NPRL3: variants seen among roughly 807,000 people sequenced by gnomAD.
The protein encoded by NPRL3 is GATOR1 complex protein NPRL3.
In NPRL3, 23 loss-of-function variants were observed where a neutral mutation model predicts 57.2. The observed-to-expected ratio is 0.40, with a 90% CI of 0.29 to 0.57. NPRL3 has a LOEUF of 0.57. Ranked by LOEUF, NPRL3 falls within the 20% of genes least tolerant of loss-of-function variation. NPRL3 has a pLI of 0.42. For missense variants in NPRL3, 691 were observed against 767.1 expected, an observed-to-expected ratio of 0.90 and a Z score of 1.17; for synonymous variants, 333 against 321.1, an observed-to-expected ratio of 1.04 and a Z score of -0.39.
At position 100,486 on chromosome 16, in the gene NPRL3, C is replaced by A; in HGVS notation, c.653G>T (p.Arg218Leu). Residue 218 changes from arginine (R) to leucine (L), a missense_variant, in exon 8 of 14, where the codon CGG (arginine) becomes CTG (leucine). Transcript: ENST00000611875. ...YDSLCTSGVV[R>L]LHINSWLEVS... ...CTCCAGCCAGCTGTTGATGTGAAGC[C>A]GAACTACGCCCGACGTGCACAGGCT... 6.3e-7 allele frequency: 1 copy of A among 1,591,794 alleles called. No individual in the cohort carries two copies. Among genetic ancestry groups the A allele is most frequent in the South Asian group, 1.1e-5 (1 of 87,206 alleles).
intron 7 of NPRL3, among the ~76,000 whole-genome samples, chr16:106,935 T>C (rs540245791): frequency 8.0e-4 from 122 of 152,202 alleles, no homozygotes; most frequent in Admixed American, 2.0e-3. Context: ...CCAGAGGGGC[T>C]CCTGGGTGGC....
chr16:95,350 T>TATATATATATATACAC (rs1223611120), intron 9 of NPRL3, among the ~76,000 whole-genome samples: 1 of 110,984 alleles, frequency 9.0e-6, no homozygotes, highest in African/African-American at 3.7e-5. Context: ...TATATATATA[T>TATATATATATATACAC]ACACACACAC....
intron 2 of NPRL3, among the ~76,000 whole-genome samples, chr16:135,608 C>CA (rs555589072): frequency 0.064 from 3,592 of 55,886 alleles, 136 homozygotes; most frequent in African/African-American, 0.11. Flanking sequence ...GACTCTGTCT[C>CA]AAAAAAAAAA....
At chr16:124,592 T>C (rs1237982490) in intron 3 of NPRL3, among the ~76,000 whole-genome samples, 3 of 152,176 alleles carry the variant, frequency 2.0e-5, no homozygotes, top group African/African-American at 7.2e-5. Context: ...GCAAAAGCCT[T>C]CTGAAAACTA....
rs147148279 is a variant in NPRL3, at chr16:88,680, G to C, written c.1544+18C>G. 6.3e-7 allele frequency: 1 copy of C among 1,595,068 alleles called. No individual in the cohort carries two copies. The highest frequency in any genetic ancestry group is 8.6e-7 in the Non-Finnish European group (1 of 1,165,918). ...CCCTGCAACTGGCCCCAGTCCCAACGGGTCAACCTACACCCACCTGGCAAA... is the reference window on the plus strand; with the variant it reads ...CCCTGCAACTGGCCCCAGTCCCAACCGGTCAACCTACACCCACCTGGCAAA... On this transcript the variant is annotated intron_variant, in intron 13 of 13. Coordinates refer to ENST00000611875, the MANE Select transcript of NPRL3 (RefSeq NM_001077350.3).
intron 3 of NPRL3, among the ~76,000 whole-genome samples, chr16:128,715 C>G (rs1900655486): frequency 6.6e-6 from 1 of 152,126 alleles, no homozygotes; most frequent in African/African-American, 2.4e-5. Flanking sequence ...CTGCAGTGAG[C>G]TGAGATCGCG....
intron 9 of NPRL3, among the ~76,000 whole-genome samples, chr16:95,325 G>GTGTATATATATATA (rs761991763): frequency 9.8e-6 from 1 of 102,230 alleles, no homozygotes; most frequent in African/African-American, 3.6e-5. Flanking sequence ...GTTTGTGTGT[G>GTGTATATATATATA]TATATATATA....
At chr16:137,880 G>A (rs934634739) in intron 2 of NPRL3, among the ~76,000 whole-genome samples, 1 of 151,962 alleles carries the variant, frequency 6.6e-6, no homozygotes, top group Non-Finnish European at 1.5e-5. Context: ...ATTTTCTCAT[G>A]ATGAATACAT....
chr16:102,245 AC>A (rs1208606558), intron 7 of NPRL3, among the ~76,000 whole-genome samples: 4 of 152,154 alleles, frequency 2.6e-5, no homozygotes, highest in Non-Finnish European at 1.5e-5. Context: ...ACCGCTCACC[AC>A]AAAGCGCCCT....
At chr16:115,150 T>C (rs1437324936) in intron 5 of NPRL3, among the ~76,000 whole-genome samples, 2 of 151,884 alleles carry the variant, frequency 1.3e-5, no homozygotes, top group East Asian at 1.9e-4. Flanking sequence ...AATTTTTGTA[T>C]TTTTTGTAGA....
At chr16:127,714 G>A (rs1900592008) in intron 3 of NPRL3, among the ~76,000 whole-genome samples, 1 of 151,234 alleles carries the variant, frequency 6.6e-6, no homozygotes, top group Non-Finnish European at 1.5e-5. Flanking sequence ...GAGTGCAGTG[G>A]CACAATCTTG....
In NPRL3 at chr16:86,348, G is replaced by A. The variant is rs968485433; in HGVS notation, c.*357C>T. ...ACAGACTGGGGGGTCCAAGGAGCAG[G>A]TGTAGGGACAGAAGGAGGGTCTGAG... is the stretch of plus-strand genomic sequence containing the variant. On this transcript the variant is annotated 3_prime_UTR_variant, in exon 14 of 14. Coordinates refer to ENST00000611875, the MANE Select transcript of NPRL3 (RefSeq NM_001077350.3). 7.9e-6 allele frequency: 2 copies of A among 253,832 alleles called. No homozygotes were observed. Among genetic ancestry groups the A allele is most frequent in the Non-Finnish European group, 1.5e-5 (2 of 129,380 alleles). 15.7% of individuals were successfully genotyped at this position (253,832 alleles called of 1,614,324 possible). A position where few individuals can be genotyped will look rare whatever the true frequency, so the allele number is the denominator to read the frequency against.
chr16:107,373 C>T (rs528982831), intron 7 of NPRL3, among the ~76,000 whole-genome samples: 19 of 202 alleles, frequency 0.094, no homozygotes, highest in South Asian at 0.42. Context: ...GAGCCGGGCA[C>T]GGTGCTCACG....
At chr16:127,994 CTT>C (rs112188139) in intron 3 of NPRL3, among the ~76,000 whole-genome samples, 10 of 133,290 alleles carry the variant, frequency 7.5e-5, no homozygotes, top group Non-Finnish European at 1.1e-4. Flanking sequence ...CCATCTTCTT[CTT>C]TTTTTTTTTT....
chr16:136,088 C>G (rs1211499049), intron 2 of NPRL3, among the ~76,000 whole-genome samples: 1 of 152,166 alleles, frequency 6.6e-6, no homozygotes, highest in Non-Finnish European at 1.5e-5. Flanking sequence ...TGCTCTTTAT[C>G]CCTTAGACCC....
Position 92,581 on chromosome 16 carries a change from G to A in NPRL3, c.1161+15C>T, listed in dbSNP as rs775367581. 11 of 1,611,904 alleles carry A rather than the reference G, an allele frequency of 6.8e-6. No individual in the cohort carries two copies. The highest frequency in any genetic ancestry group is 9.3e-6 in the Non-Finnish European group (11 of 1,179,070). ...ACACCTGCCACTCTGGGCTCCTTGA[G>A]CTTCTGTGACTCACCTCCTGCACAG... On this transcript the variant is annotated intron_variant, in intron 11 of 13. Transcript: ENST00000611875.
chr16:111,096 CATATT>C (rs1899788994), intron 6 of NPRL3, among the ~76,000 whole-genome samples: 1 of 151,974 alleles, frequency 6.6e-6, no homozygotes, highest in Non-Finnish European at 1.5e-5. Context: ...AAAACAGAAA[CATATT>C]ATAAATTTTG....
chr16:87,395 GGC>G (rs962856709), intron 13 of NPRL3, among the ~76,000 whole-genome samples: 77 of 151,934 alleles, frequency 5.1e-4, no homozygotes, highest in African/African-American at 1.8e-3. Context: ...TACCACACCT[GGC>G]TAATTTCTCT....
chr16:86,569 C>A lies in NPRL3; in HGVS notation c.*136G>T. Reference sequence around the variant, plus strand: ...CGGGGCTCTGCAGGCTTCACTGGGCCACGGCCAGCCCGCATCCACCCAATG... The same window carrying A: ...CGGGGCTCTGCAGGCTTCACTGGGCAACGGCCAGCCCGCATCCACCCAATG... On this transcript the variant is annotated 3_prime_UTR_variant, in exon 14 of 14. Transcript: ENST00000611875. The A allele has an allele frequency of 1.1e-6, 1 of 885,806 alleles. No homozygotes were observed. The highest frequency in any genetic ancestry group is 3.5e-4 in the Middle Eastern group (1 of 2,842). 54.9% of individuals were successfully genotyped at this position (885,806 alleles called of 1,614,324 possible).
Sources: gnomAD v4.1 joint callset for allele counts (sites outside exome capture counted in the v4.1 genomes callset) on GRCh38, gnomAD v4.1.1 for gene constraint, MANE v1.5 for transcripts, NCBI Gene and HGNC (gene_info 2026-07-23, HGNC 2026-07-21) for gene names.